The following MARK1 variants were observed in gnomAD, a reference collection of about 807,000 sequenced individuals.
MARK1 encodes the protein serine/threonine-protein kinase MARK1.
In MARK1, 40 loss-of-function variants were observed where a neutral mutation model predicts 96.3. The observed-to-expected ratio is 0.42, with a 90% CI of 0.32 to 0.54. The LOEUF (loss-of-function observed/expected upper bound fraction) is 0.54, where lower values mean the gene tolerates loss of function less well. Among genes scored for constraint, MARK1 ranks in the 20% least tolerant of loss-of-function variants. MARK1 has a pLI of 0.16. For missense variants in MARK1, 719 were observed against 984.6 expected (o/e 0.73, Z 3.61); for synonymous variants, 317 against 341.2 (o/e 0.93, Z 0.78).
At chr1:220,590,535 T>A (rs1331495976) in intron 3 of MARK1, among the ~76,000 whole-genome samples, 2 of 152,130 alleles carry the variant, frequency 1.3e-5, no homozygotes. Flanking sequence ...CTCCTTGAAT[T>A]CCCTGTCTCC....
At position 220,662,415 on chromosome 1, in the gene MARK1, T is replaced by C; in HGVS notation, c.*249T>C. The C allele has an allele frequency of 2.5e-6, 1 of 394,204 alleles. No homozygotes were observed. The highest frequency in any genetic ancestry group is 3.7e-5 in the East Asian group (1 of 26,986). The allele number at this position is 394,204 out of a possible 1,614,324, so 24.4% of individuals were successfully genotyped here. On this transcript the variant is annotated 3_prime_UTR_variant, in exon 18 of 18. Transcript: ENST00000366917. Reference sequence around the variant, plus strand: ...ATATTGTGTATTTCTGTTCATTTTCTGTTCATAGAGTTGTATAATAAAACA... The same window carrying C: ...ATATTGTGTATTTCTGTTCATTTTCCGTTCATAGAGTTGTATAATAAAACA...
chr1:220,621,025 A>G (rs1159440872), intron 9 of MARK1, among the ~76,000 whole-genome samples: 1 of 152,086 alleles, frequency 6.6e-6, no homozygotes, highest in African/African-American at 2.4e-5. Context: ...TACAGTAAAA[A>G]ACCTGTAAAC....
At chr1:220,581,931 T>A (rs1438607135) in intron 3 of MARK1, among the ~76,000 whole-genome samples, 1 of 152,144 alleles carries the variant, frequency 6.6e-6, no homozygotes, top group Admixed American at 6.5e-5. Context: ...TTGTATAGAG[T>A]GAGAGAATAT....
chr1:220,609,669 G>C (rs556964782), intron 6 of MARK1, among the ~76,000 whole-genome samples: 4 of 152,142 alleles, frequency 2.6e-5, no homozygotes, highest in Admixed American at 2.0e-4. Flanking sequence ...TTACAATGTG[G>C]CATGTTTTTG....
At chr1:220,577,148 G>A (rs960336270) in intron 1 of MARK1, among the ~76,000 whole-genome samples, 2 of 152,102 alleles carry the variant, frequency 1.3e-5, no homozygotes, top group Non-Finnish European at 2.9e-5. Context: ...AGGGGCAGCA[G>A]TGCACACTTG....
Position 220,657,839 on chromosome 1 carries a change from G to A in MARK1, c.2033+5G>A. 6.4e-7 allele frequency: 1 copy of A among 1,561,738 alleles called. No homozygotes were observed. Among genetic ancestry groups the A allele is most frequent in the Admixed American group, 2.0e-5 (1 of 50,444 alleles). On this transcript the variant is annotated splice_donor_5th_base_variant and intron_variant, in intron 17 of 17. Coordinates refer to ENST00000366917, the MANE Select transcript of MARK1 (RefSeq NM_018650.5). ...TGGCAGAACCGACACCTCAAGGTGA[G>A]GAGCCACTATTAATACTTCGCTGCT...
intron 3 of MARK1, among the ~76,000 whole-genome samples, chr1:220,586,009 A>ACGCACG (rs66540247): frequency 7.7e-6 from 1 of 129,632 alleles, no homozygotes; most frequent in Non-Finnish European, 1.7e-5. Flanking sequence ...ACACACACAC[A>ACGCACG]CACGCGCGCG....
intron 6 of MARK1, among the ~76,000 whole-genome samples, chr1:220,605,072 A>G (rs559798382): frequency 2.1e-5 from 3 of 139,578 alleles, no homozygotes; most frequent in Non-Finnish European, 4.9e-5. Context: ...TCTCTAAGAT[A>G]CATATGTGTG....
At chr1:220,626,243 T>C (rs1667322337) in intron 9 of MARK1, 2 of 529,548 alleles carry the variant, frequency 3.8e-6, no homozygotes, top group Non-Finnish European at 7.5e-6. Flanking sequence ...CACCAGAGGG[T>C]GCTGTATATT....
rs761478441 is a variant in MARK1 at position 220,607,639 on chromosome 1, T to C, written c.495+3502T>C. ...ATGCTTCCAGTTTTTGCCCATTGAGTATGGGGAATGCTTCCAGTTTTTGCC... is the reference window on the plus strand; with the variant it reads ...ATGCTTCCAGTTTTTGCCCATTGAGCATGGGGAATGCTTCCAGTTTTTGCC... On this transcript the variant is annotated intron_variant, in intron 6 of 17. Transcript: ENST00000366917. Among the ~76,000 whole-genome samples the C allele has an allele frequency of 4.6e-4, 70 of 151,850 alleles. 1 individual carries two copies. The highest frequency in any genetic ancestry group is 3.3e-4 in the Admixed American group (5 of 15,242).
At chr1:220,625,464 A>C (rs1257650660) in intron 9 of MARK1, among the ~76,000 whole-genome samples, 1 of 152,222 alleles carries the variant, frequency 6.6e-6, no homozygotes, top group Non-Finnish European at 1.5e-5. Flanking sequence ...AGGTAAACCA[A>C]AATATTACAT....
chr1:220,605,249 A>G (rs1028835508), intron 6 of MARK1, among the ~76,000 whole-genome samples: 1 of 152,192 alleles, frequency 6.6e-6, no homozygotes, highest in East Asian at 1.9e-4. Flanking sequence ...TTGGAACACA[A>G]TTTGTGAAAT....
chr1:220,578,815 A>G (rs909607552), intron 1 of MARK1, among the ~76,000 whole-genome samples: 2 of 152,180 alleles, frequency 1.3e-5, no homozygotes, highest in Admixed American at 6.5e-5. Flanking sequence ...AATTGAAAGC[A>G]TATCCCTAAA....
chr1:220,529,701 A>G (rs568206386), intron 1 of MARK1, among the ~76,000 whole-genome samples: 1 of 152,346 alleles, frequency 6.6e-6, no homozygotes, highest in African/African-American at 2.4e-5. Context: ...ATCAAGATGC[A>G]GATGTGCCGG....
At chr1:220,605,481 ATTTAT>A (rs368555141) in intron 6 of MARK1, among the ~76,000 whole-genome samples, 2,919 of 151,304 alleles carry the variant, frequency 0.019, 42 homozygotes, top group Middle Eastern at 0.044. Flanking sequence ...TTAAATTTTT[ATTTAT>A]TTTATTTTAT....
At chr1:220,540,991 T>C (rs928140699) in intron 1 of MARK1, among the ~76,000 whole-genome samples, 2 of 152,096 alleles carry the variant, frequency 1.3e-5, no homozygotes, top group African/African-American at 4.8e-5. Flanking sequence ...TGGAGAGCTG[T>C]GGTGCAATCT....
intron 7 of MARK1, 56 bp downstream of exon 7, chr1:220,616,051 T>TTAA (rs1666730979): frequency 2.4e-6 from 2 of 845,278 alleles, no homozygotes; most frequent in East Asian, 5.6e-5. Flanking sequence ...TAACATATAT[T>TTAA]TAATAATAAT....
intron 13 of MARK1, among the ~76,000 whole-genome samples, chr1:220,642,213 G>A (rs1558318028): frequency 6.6e-6 from 1 of 152,222 alleles, no homozygotes. Flanking sequence ...CAGCACAGCA[G>A]CCTGGAGTCT....
At chr1:220,594,186 T>A (rs1665173715) in intron 3 of MARK1, among the ~76,000 whole-genome samples, 1 of 152,108 alleles carries the variant, frequency 6.6e-6, no homozygotes, top group Non-Finnish European at 1.5e-5. Context: ...GGCTTGAAAA[T>A]GAACAACTTG....
Sources: gnomAD v4.1 joint callset for allele counts (sites outside exome capture counted in the v4.1 genomes callset) on GRCh38, gnomAD v4.1.1 for gene constraint, MANE v1.5 for transcripts, NCBI Gene and HGNC (gene_info 2026-07-23, HGNC 2026-07-21) for gene names.